The following SOHLH2 variants were observed in gnomAD, a reference collection of about 807,000 sequenced individuals.
The protein encoded by SOHLH2 is spermatogenesis- and oogenesis-specific basic helix-loop-helix-containing protein 2.
In SOHLH2, 22 loss-of-function variants were observed where a neutral mutation model predicts 50.4. The observed-to-expected ratio is 0.44, with a 90% CI of 0.31 to 0.62. The LOEUF is 0.62. Ranked by LOEUF, SOHLH2 falls within the 20% of genes least tolerant of loss-of-function variation. SOHLH2 has a pLI of 0.08. For synonymous variants in SOHLH2, 185 were observed against 187.3 expected (o/e 0.99, Z 0.10); for missense variants, 412 against 504.4 (o/e 0.82, Z 1.76).
Position 36,168,858 on chromosome 13 carries a change from C to A in SOHLH2, c.*176G>T. 5 of 1,113,836 alleles carry A rather than the reference C, an allele frequency of 4.5e-6. No individual in the cohort carries two copies. The highest frequency in any genetic ancestry group is 6.0e-6 in the Non-Finnish European group (5 of 836,266). 69.0% of individuals were successfully genotyped at this position (1,113,836 alleles called of 1,614,324 possible). On this transcript the variant is annotated 3_prime_UTR_variant, in exon 11 of 11. Coordinates refer to ENST00000379881, the MANE Select transcript of SOHLH2 (RefSeq NM_017826.3). ...CAGTGTGTGGCCAGCTTTTTCGCTG[C>A]TGGTCTTTCTATCTGCAGAAGCTTT...
chr13:36,195,588 C>T (rs1887701212), intron 2 of SOHLH2, among the ~76,000 whole-genome samples: 1 of 152,094 alleles, frequency 6.6e-6, no homozygotes, highest in South Asian at 2.1e-4. Flanking sequence ...TTAGAAAGAC[C>T]ACTCTGCCTA....
At chr13:36,206,330 T>C (rs1868758638) in intron 1 of SOHLH2, among the ~76,000 whole-genome samples, 2 of 152,080 alleles carry the variant, frequency 1.3e-5, no homozygotes, top group African/African-American at 4.8e-5. Flanking sequence ...GGCATTTTGT[T>C]GTACCCCACA....
chr13:36,175,073 A>G (rs1566035654), intron 6 of SOHLH2, among the ~76,000 whole-genome samples: 2 of 152,178 alleles, frequency 1.3e-5, no homozygotes, highest in Non-Finnish European at 2.9e-5. Context: ...GCACCCACGC[A>G]TACTGCTACA....
intron 6 of SOHLH2, chr13:36,183,192 T>C (rs748622112): frequency 2.8e-6 from 1 of 361,652 alleles, no homozygotes; most frequent in South Asian, 2.1e-5. Context: ...ATGCTTCCTG[T>C]ACAGCCTGCA....
chr13:36,214,440 G>A (rs939900344), intron 1 of SOHLH2, 39 bp downstream of exon 1: 3 of 1,604,934 alleles, frequency 1.9e-6, no homozygotes, highest in African/African-American at 1.3e-5. Flanking sequence ...CGCCCGCGAG[G>A]TTATAAACGC....
At chr13:36,212,198 C>T (rs1869168979) in intron 1 of SOHLH2, among the ~76,000 whole-genome samples, 1 of 152,190 alleles carries the variant, frequency 6.6e-6, no homozygotes. Context: ...ACCCACCGTT[C>T]TGTGCAGGAG....
chr13:36,202,218 G>T (rs1027200011), intron 1 of SOHLH2, 125 bp from the exon 2 acceptor site: 10 of 1,209,228 alleles, frequency 8.3e-6, no homozygotes, highest in Non-Finnish European at 1.1e-5. Context: ...TATCTAGTCT[G>T]ACTGGCTAGA....
At chr13:36,190,550 T>C (rs182127592) in intron 5 of SOHLH2, among the ~76,000 whole-genome samples, 9 of 152,358 alleles carry the variant, frequency 5.9e-5, no homozygotes, top group African/African-American at 2.2e-4. Flanking sequence ...TCAGGCATTC[T>C]GATTGATTTA....
chr13:36,213,283 C>A (rs983608580), intron 1 of SOHLH2, among the ~76,000 whole-genome samples: 1 of 152,060 alleles, frequency 6.6e-6, no homozygotes, highest in African/African-American at 2.4e-5. Flanking sequence ...TTTGCCTAAT[C>A]CTGCACCATA....
chr13:36,185,688 T>C (rs1464772177), intron 6 of SOHLH2, among the ~76,000 whole-genome samples: 2 of 152,036 alleles, frequency 1.3e-5, no homozygotes, highest in Non-Finnish European at 2.9e-5. Context: ...AAAAAAGCCA[T>C]CATCACAGAC....
Position 36,170,759 on chromosome 13 carries a change from A to T in SOHLH2, c.1029T>A (p.Ala343=). ...TGTGAGTTTTATATGGATCACCAAT[A>T]GCATTCTCTGAGGCGGAGCTTGATG... is the stretch of plus-strand genomic sequence containing the variant. ...RVPSSSASEN[A]IGDPYKTHIS... is the part of the protein sequence containing the mutation. The change falls in exon 10 of 11, where the codon GCT becomes GCA. Residue 343 remains alanine, a synonymous_variant. Transcript: ENST00000379881. The T allele has an allele frequency of 9.3e-6, 15 of 1,614,038 alleles. No individual in the cohort carries two copies. Among genetic ancestry groups the T allele is most frequent in the Non-Finnish European group, 1.3e-5 (15 of 1,179,860 alleles).
At chr13:36,194,863 G>A (rs1002762149) in intron 2 of SOHLH2, among the ~76,000 whole-genome samples, 29 of 152,138 alleles carry the variant, frequency 1.9e-4, no homozygotes, top group Admixed American at 2.0e-4. Flanking sequence ...TTATTAAAAT[G>A]AGAACTGGGA....
chr13:36,200,210 T>C (rs923895013), intron 2 of SOHLH2, among the ~76,000 whole-genome samples: 1 of 152,348 alleles, frequency 6.6e-6, no homozygotes, highest in Non-Finnish European at 1.5e-5. Flanking sequence ...TGAAGTATTA[T>C]GATGAGTTCC....
chr13:36,198,667 A>G (rs1887806603), intron 2 of SOHLH2, among the ~76,000 whole-genome samples: 1 of 152,260 alleles, frequency 6.6e-6, no homozygotes, highest in Non-Finnish European at 1.5e-5. Context: ...ATTAGCACCT[A>G]GCTTAAAACA....
chr13:36,207,868 T>C (rs1192619082), intron 1 of SOHLH2, among the ~76,000 whole-genome samples: 1 of 152,224 alleles, frequency 6.6e-6, no homozygotes, highest in Non-Finnish European at 1.5e-5. Context: ...ACCATGGACA[T>C]GAGCGCCCCC....
intron 2 of SOHLH2, among the ~76,000 whole-genome samples, chr13:36,196,374 C>T (rs574563526): frequency 2.6e-5 from 4 of 152,190 alleles, no homozygotes; most frequent in Admixed American, 6.5e-5. Flanking sequence ...AATCTTCCCG[C>T]TTCAACCTCC....
At chr13:36,169,098 C>T in intron 10 of SOHLH2, 44 bp from the exon 11 acceptor site, 1 of 1,584,302 alleles carries the variant, frequency 6.3e-7, no homozygotes, top group South Asian at 1.2e-5. Flanking sequence ...AATCCTCACC[C>T]ACTCTTACTC....
At chr13:36,201,527 C>T (rs1022788311) in intron 2 of SOHLH2, among the ~76,000 whole-genome samples, 4 of 151,154 alleles carry the variant, frequency 2.6e-5, no homozygotes, top group Non-Finnish European at 5.9e-5. Context: ...GGTTAGAGTA[C>T]AGTGACATGA....
intron 1 of SOHLH2, among the ~76,000 whole-genome samples, chr13:36,204,949 A>G (rs1434251919): frequency 6.6e-6 from 1 of 152,162 alleles, no homozygotes; most frequent in African/African-American, 2.4e-5. Flanking sequence ...ATGGACTTTC[A>G]TATCGATTTT....
Sources: allele counts gnomAD v4.1 joint callset (sites outside exome capture counted in the v4.1 genomes callset), GRCh38; gene constraint gnomAD v4.1.1; transcripts MANE v1.5; gene names NCBI Gene and HGNC (gene_info 2026-07-23, HGNC 2026-07-21).